LDAH: variants seen among roughly 807,000 people sequenced by gnomAD.
LDAH encodes lipid droplet-associated hydrolase.
Under a neutral mutation model 29.6 loss-of-function variants are expected in LDAH, and 26 were observed. That is an observed-to-expected ratio of 0.88 (90% CI 0.64 to 1.22). The LOEUF is 1.22. LDAH is among the 50% of genes most tolerant of loss of function. LDAH has a pLI of 0.00. For synonymous variants in LDAH, 117 were observed against 133.0 expected, an observed-to-expected ratio of 0.88 and a Z score of 0.83; for missense variants, 344 against 387.3, an observed-to-expected ratio of 0.89 and a Z score of 0.94.
intron 4 of LDAH, among the ~76,000 whole-genome samples, chr2:20,769,104 C>T (rs746369939): frequency 1.7e-4 from 26 of 152,172 alleles, no homozygotes; most frequent in Non-Finnish European, 3.1e-4. Context: ...CCACTGCCCT[C>T]TCCCCGTGCC....
intron 4 of LDAH, among the ~76,000 whole-genome samples, chr2:20,764,609 G>T (rs779330962): frequency 7.9e-5 from 12 of 152,136 alleles, no homozygotes; most frequent in Non-Finnish European, 1.3e-4. Flanking sequence ...TCCTCCCAAT[G>T]CATTCACCTG....
At chr2:20,733,154 T>A (rs1572502534) in intron 5 of LDAH, among the ~76,000 whole-genome samples, 1 of 152,220 alleles carries the variant, frequency 6.6e-6, no homozygotes, top group East Asian at 1.9e-4. Context: ...CATTTTTGTC[T>A]CATCACTGTT....
chr2:20,688,505 A>G (rs13385191), intron 6 of LDAH, among the ~76,000 whole-genome samples: 31,599 of 152,202 alleles, frequency 0.21, 4,227 homozygotes, highest in East Asian at 0.45. Flanking sequence ...ATGTCAGGAA[A>G]ACCACTCTGG....
At chr2:20,753,884 T>C (rs1668129823) in intron 4 of LDAH, among the ~76,000 whole-genome samples, 1 of 152,238 alleles carries the variant, frequency 6.6e-6, no homozygotes, top group African/African-American at 2.4e-5. Context: ...GGAATAATTT[T>C]ATCACCAAAA....
chr2:20,782,240 C>A (rs888964205), intron 3 of LDAH, among the ~76,000 whole-genome samples: 1 of 152,134 alleles, frequency 6.6e-6, no homozygotes, highest in African/African-American at 2.4e-5. Flanking sequence ...TTTTAATAAA[C>A]CCTCCAGGTG....
intron 1 of LDAH, among the ~76,000 whole-genome samples, chr2:20,819,328 A>C (rs1275133764): frequency 1.3e-5 from 2 of 152,198 alleles, no homozygotes; most frequent in Non-Finnish European, 2.9e-5. Flanking sequence ...CATTAGAAAT[A>C]ATATATTAAT....
intron 4 of LDAH, among the ~76,000 whole-genome samples, chr2:20,763,513 T>A (rs1032837691): frequency 1.3e-5 from 2 of 152,252 alleles, no homozygotes; most frequent in African/African-American, 4.8e-5. Context: ...GATACTACTT[T>A]GAGACATGTT....
intron 1 of LDAH, among the ~76,000 whole-genome samples, chr2:20,817,985 T>C (rs1161892275): frequency 6.6e-6 from 1 of 152,130 alleles, no homozygotes; most frequent in Non-Finnish European, 1.5e-5. Context: ...AGACTGACTA[T>C]AAGGAGGCAG....
intron 5 of LDAH, among the ~76,000 whole-genome samples, chr2:20,730,027 C>T (rs1055052688): frequency 5.9e-5 from 9 of 152,288 alleles, no homozygotes; most frequent in African/African-American, 2.2e-4. Context: ...ATAATGTTAT[C>T]ACTTCAAGAA....
chr2:20,689,098 C>T (rs1358998206), intron 6 of LDAH, among the ~76,000 whole-genome samples: 1 of 151,762 alleles, frequency 6.6e-6, no homozygotes, highest in Non-Finnish European at 1.5e-5. Flanking sequence ...GTCTGGTTTT[C>T]TGTTCCTGTG....
intron 4 of LDAH, among the ~76,000 whole-genome samples, chr2:20,743,613 T>C (rs1382528546): frequency 6.6e-6 from 1 of 152,162 alleles, no homozygotes; most frequent in Non-Finnish European, 1.5e-5. Context: ...ATCAGTTAGA[T>C]CAATTAAGAA....
chr2:20,719,028 G>A (rs181105771), intron 5 of LDAH, among the ~76,000 whole-genome samples: 1 of 151,980 alleles, frequency 6.6e-6, no homozygotes, highest in African/African-American at 2.4e-5. Flanking sequence ...GACTAAGAGG[G>A]AAGTTTATAG....
At chr2:20,793,303 G>A (rs1671093298) in intron 2 of LDAH, among the ~76,000 whole-genome samples, 1 of 152,110 alleles carries the variant, frequency 6.6e-6, no homozygotes, top group South Asian at 2.1e-4. Context: ...GTCTGAGGAG[G>A]TGACATTTAG....
chr2:20,761,990 C>A (rs374515222), intron 4 of LDAH, among the ~76,000 whole-genome samples: 12 of 151,526 alleles, frequency 7.9e-5, no homozygotes, highest in African/African-American at 2.9e-4. Flanking sequence ...TTAAATACAA[C>A]CACTAAATTC....
chr2:20,723,171 A>G (rs911646010), intron 5 of LDAH, among the ~76,000 whole-genome samples: 2 of 152,270 alleles, frequency 1.3e-5, no homozygotes, highest in African/African-American at 4.8e-5. Context: ...AGTAATAAAA[A>G]TGAAATAATT....
intron 4 of LDAH, among the ~76,000 whole-genome samples, chr2:20,773,734 TAAG>T (rs1669588453): frequency 6.6e-6 from 1 of 152,078 alleles, no homozygotes; most frequent in South Asian, 2.1e-4. Flanking sequence ...CAATTACGAA[TAAG>T]AAGCAAGCAG....
chr2:20,816,461 G>C (rs1672856167), intron 1 of LDAH, among the ~76,000 whole-genome samples: 2 of 151,974 alleles, frequency 1.3e-5, no homozygotes, highest in South Asian at 4.1e-4. Flanking sequence ...CTTTTTTTAA[G>C]TAGTGATGGC....
intron 5 of LDAH, among the ~76,000 whole-genome samples, chr2:20,726,776 C>T (rs1339904111): frequency 6.6e-6 from 1 of 152,028 alleles, no homozygotes; most frequent in African/African-American, 2.4e-5. Flanking sequence ...ATTTAGTCTG[C>T]AAACAGATAA....
chr2:20,810,179 G>T (rs1346258441), intron 1 of LDAH, among the ~76,000 whole-genome samples: 2 of 152,182 alleles, frequency 1.3e-5, no homozygotes, highest in Non-Finnish European at 2.9e-5. Flanking sequence ...CTGATCACTG[G>T]AGGCAGGAGT....
Sources: gnomAD v4.1 joint callset for allele counts (sites outside exome capture counted in the v4.1 genomes callset) on GRCh38, gnomAD v4.1.1 for gene constraint, MANE v1.5 for transcripts, NCBI Gene and HGNC (gene_info 2026-07-23, HGNC 2026-07-21) for gene names.